Variants in RNFT2 observed in about 807,000 individuals in gnomAD.
The protein encoded by RNFT2 is E3 ubiquitin-protein ligase RNFT2.
In RNFT2, 36 loss-of-function variants were observed where a neutral mutation model predicts 53.0. The observed-to-expected ratio is 0.68, with a 90% CI of 0.52 to 0.90. RNFT2 has a LOEUF of 0.90. Ranked by LOEUF, RNFT2 falls within the 40% of genes least tolerant of loss-of-function variation. The probability of loss-of-function intolerance (pLI) is 0.00; values close to 1 mark genes in which losing one functional copy is unlikely to be tolerated. For missense variants in RNFT2, 514 were observed against 585.6 expected (o/e 0.88, Z 1.26); for synonymous variants, 260 against 253.2 (o/e 1.03, Z -0.26).
chr12:116,815,297 G>A (rs530182853), intron 7 of RNFT2, among the ~76,000 whole-genome samples: 28 of 152,328 alleles, frequency 1.8e-4, no homozygotes, highest in African/African-American at 5.5e-4. Flanking sequence ...TTAGCTTCCT[G>A]TGAGTACTGT....
At chr12:116,785,829 G>A (rs1050753981) in intron 7 of RNFT2, among the ~76,000 whole-genome samples, 5 of 152,006 alleles carry the variant, frequency 3.3e-5, no homozygotes, top group African/African-American at 9.7e-5. Flanking sequence ...TGGGTGGATC[G>A]CTCGAGTTCA....
rs1565865967 is a variant in RNFT2 at position 116,806,403 on chromosome 12, TAG to T, written c.882+27057_882+27058del. ...AAAAATATATATATATATATATAGATAGATAGATAGATAGATAGATAGATAGA... is the reference window on the plus strand; with the variant it reads ...AAAAATATATATATATATATATAGATATAGATAGATAGATAGATAGATAGA... On this transcript the variant is annotated intron_variant, in intron 7 of 10. Coordinates refer to ENST00000257575, the MANE Select transcript of RNFT2 (RefSeq NM_001382266.1). Among the ~76,000 whole-genome samples the T allele has an allele frequency of 9.3e-4, 139 of 148,790 alleles. 1 individual carries two copies. In the South Asian group the frequency reaches 9.8e-3, roughly 11 times the overall value.
chr12:116,832,058 G>A (rs989515381), intron 7 of RNFT2, among the ~76,000 whole-genome samples: 1 of 148,920 alleles, frequency 6.7e-6, no homozygotes, highest in African/African-American at 2.5e-5. Flanking sequence ...TTGAACCTGG[G>A]AAGTCGAGGC....
At chr12:116,816,442 G>A (rs950283144) in intron 7 of RNFT2, among the ~76,000 whole-genome samples, 3 of 152,184 alleles carry the variant, frequency 2.0e-5, no homozygotes, top group African/African-American at 4.8e-5. Flanking sequence ...CACCAGAGGC[G>A]ATCGCGGCCT....
chr12:116,785,843 G>A lies in RNFT2; in HGVS notation c.882+6495G>A, dbSNP rs189449794. Among the ~76,000 whole-genome samples, 162 of 152,188 alleles carry A rather than the reference G, an allele frequency of 1.1e-3. No individual in the cohort carries two copies. The East Asian group carries it at 0.025, about 23-fold the overall frequency. ...ATGGGTGGATCGCTCGAGTTCATGA[G>A]TTCGAGACAAGCCTGGGCAGCATGG... is the stretch of plus-strand genomic sequence containing the variant. On this transcript the variant is annotated intron_variant, in intron 7 of 10. Coordinates refer to ENST00000257575, the MANE Select transcript of RNFT2 (RefSeq NM_001382266.1).
intron 3 of RNFT2, among the ~76,000 whole-genome samples, chr12:116,743,889 G>A (rs574619904): frequency 2.4e-4 from 36 of 152,166 alleles, no homozygotes; most frequent in Admixed American, 1.8e-3. Flanking sequence ...TTCACCCCTA[G>A]GTCTCAGCTT....
chr12:116,843,811 C>T (rs922762291), intron 10 of RNFT2, among the ~76,000 whole-genome samples: 3 of 152,236 alleles, frequency 2.0e-5, no homozygotes, highest in African/African-American at 7.2e-5. Context: ...ACCAGTCCTT[C>T]ATCACCCTAG....
intron 3 of RNFT2, among the ~76,000 whole-genome samples, chr12:116,748,065 C>T (rs1321967386): frequency 6.6e-6 from 1 of 152,080 alleles, no homozygotes; most frequent in Non-Finnish European, 1.5e-5. Context: ...TGGCAGGTGC[C>T]TGTAGTCCCA....
chr12:116,755,845 G>A, intron 5 of RNFT2: 2 of 1,569,678 alleles, frequency 1.3e-6, no homozygotes, highest in Non-Finnish European at 1.7e-6. Context: ...TATATCGGGT[G>A]CCTCTCCTCT....
intron 7 of RNFT2, among the ~76,000 whole-genome samples, chr12:116,818,060 C>T: frequency 6.6e-6 from 1 of 152,176 alleles, no homozygotes. Flanking sequence ...GTGGGATGGA[C>T]ATTTGAGCTG....
intron 9 of RNFT2, 36 bp from the exon 10 acceptor site, chr12:116,836,145 G>A (rs371835904): frequency 9.4e-6 from 15 of 1,588,174 alleles, no homozygotes; most frequent in South Asian, 4.5e-5. Context: ...TCCCAAGGGC[G>A]CCCATAGCTG....
At position 116,749,931 on chromosome 12, in the gene RNFT2, G is replaced by A. The variant is rs992514861; in HGVS notation, c.174G>A (p.Ala58=). ...AGGCAGAGGCAGCCTCCCCACCAGC[G>A]CTCTTCTCGGGCTTATCAGGCAGCC... is the stretch of plus-strand genomic sequence containing the variant. ...SLKAEAASPP[A]LFSGLSGSLP... The change falls in exon 4 of 11, where the codon GCG becomes GCA. Residue 58 remains alanine, a synonymous_variant. Coordinates refer to ENST00000257575, the MANE Select transcript of RNFT2 (RefSeq NM_001382266.1). 5.7e-6 allele frequency: 9 copies of A among 1,578,082 alleles called. No individual in the cohort carries two copies. The highest frequency in any genetic ancestry group is 1.3e-5 in the African/African-American group (1 of 74,118).
chr12:116,828,257 A>G (rs576506614), intron 7 of RNFT2, among the ~76,000 whole-genome samples: 29 of 152,170 alleles, frequency 1.9e-4, no homozygotes, highest in African/African-American at 6.5e-4. Context: ...TTGGATGTGC[A>G]CTCGGGTCAC....
rs1274021983 is a variant in RNFT2, at chr12:116,841,816, TAAAA to T, written c.1200+5536_1200+5539del. On this transcript the variant is annotated intron_variant, in intron 10 of 10. Coordinates refer to ENST00000257575, the MANE Select transcript of RNFT2 (RefSeq NM_001382266.1). ...ATAAATATATATATAAATATATATA[TAAAA>T]ATATATATATATAAATATATATATA... is the stretch of plus-strand genomic sequence containing the variant. Among the ~76,000 whole-genome samples, 206 of 80,072 alleles carry T rather than the reference TAAAA, an allele frequency of 2.6e-3. 9 individuals are homozygous for T. Among genetic ancestry groups the T allele is most frequent in the South Asian group, 7.0e-3 (20 of 2,870 alleles). The allele number at this position is 80,072 out of a possible 152,430, so 52.5% of individuals were successfully genotyped here.
At chr12:116,830,982 G>A (rs1056487563) in intron 7 of RNFT2, among the ~76,000 whole-genome samples, 11 of 151,554 alleles carry the variant, frequency 7.3e-5, no homozygotes, top group African/African-American at 2.2e-4. Context: ...TATTTGTCAC[G>A]TCTCCTTAAT....
At chr12:116,811,443 T>G (rs1160271948) in intron 7 of RNFT2, among the ~76,000 whole-genome samples, 7 of 151,668 alleles carry the variant, frequency 4.6e-5, no homozygotes, top group African/African-American at 7.3e-5. Flanking sequence ...TGGGGCCATC[T>G]CGGCTCACTG....
At chr12:116,799,828 G>A (rs1319936285) in intron 7 of RNFT2, among the ~76,000 whole-genome samples, 1 of 152,136 alleles carries the variant, frequency 6.6e-6, no homozygotes, top group African/African-American at 2.4e-5. Flanking sequence ...ATAATTAGGG[G>A]TAGTGTGGTG....
chr12:116,753,953 G>A (rs769906259), intron 4 of RNFT2, 31 bp from the exon 5 acceptor site: 3 of 1,594,644 alleles, frequency 1.9e-6, no homozygotes, highest in Non-Finnish European at 1.7e-6. Flanking sequence ...GAGTCTAAGT[G>A]GGTGACATCA....
At chr12:116,798,103 C>A (rs1874593035) in intron 7 of RNFT2, among the ~76,000 whole-genome samples, 2 of 151,954 alleles carry the variant, frequency 1.3e-5, no homozygotes, top group Admixed American at 1.3e-4. Flanking sequence ...GGACTGGTGT[C>A]CTTGTAAAGG....
Sources: allele counts gnomAD v4.1 joint callset (sites outside exome capture counted in the v4.1 genomes callset), GRCh38; gene constraint gnomAD v4.1.1; transcripts MANE v1.5; gene names NCBI Gene and HGNC (gene_info 2026-07-23, HGNC 2026-07-21).